Variants in GTF2IRD2 observed in about 807,000 individuals in gnomAD.
GTF2IRD2 encodes the protein GTF2I repeat domain containing 2.
GTF2IRD2 carries 8 observed loss-of-function variants against 49.2 expected under a neutral mutation model. The observed-to-expected ratio is 0.16, with a 90% confidence interval of 0.10 to 0.29. The LOEUF (loss-of-function observed/expected upper bound fraction) is 0.29. Among genes scored for constraint, GTF2IRD2 ranks in the 10% least tolerant of loss-of-function variants. The probability of loss-of-function intolerance (pLI) is 1.00; values close to 1 mark genes in which losing one functional copy is unlikely to be tolerated. For missense variants in GTF2IRD2, 130 were observed against 725.7 expected (o/e 0.18, Z 9.43); for synonymous variants, 47 against 289.7 (o/e 0.16, Z 8.51).
chr7:74,836,732 A>AT (rs1444450479), intron 1 of GTF2IRD2, among the ~76,000 whole-genome samples: 1 of 152,154 alleles, frequency 6.6e-6, no homozygotes, highest in Admixed American at 6.5e-5. Context: ...CGCCTGGCTG[A>AT]TTTTTGTATT....
At chr7:74,844,356 TTTTTTTTATTTATTTATTTATTTATTTA>T (rs1347996713) in intron 1 of GTF2IRD2, among the ~76,000 whole-genome samples, 1,564 of 23,690 alleles carry the variant, frequency 0.066, 157 homozygotes, top group African/African-American at 0.23. Flanking sequence ...GAGGATTATG[TTTTTTTTATTTATTTATTTATTTATTTA>T]TTTATTTATT....
At chr7:74,810,183 T>A (rs1357005089) in intron 10 of GTF2IRD2, among the ~76,000 whole-genome samples, 1 of 10,540 alleles carries the variant, frequency 9.5e-5, no homozygotes, top group Non-Finnish European at 2.5e-4. Context: ...GATTTATATA[T>A]GAATGGAGGG....
In GTF2IRD2 at chr7:74,833,221, T is replaced by G. The variant is rs1366533191; in HGVS notation, c.100-278A>C. Among the ~76,000 whole-genome samples, 3 of 111,956 alleles carry G rather than the reference T, an allele frequency of 2.7e-5. 1 individual carries two copies. The highest frequency in any genetic ancestry group is 3.0e-4 in the South Asian group (1 of 3,382). 73.4% of individuals were successfully genotyped at this position (111,956 alleles called of 152,430 possible). On this transcript the variant is annotated intron_variant, in intron 2 of 15. Transcript: ENST00000451013. ...GCGCCTGCAACCACGCCTGGCTAATTTGTGTGTGTGTGTGTGTGTGTGTGT... is the reference window on the plus strand; with the variant it reads ...GCGCCTGCAACCACGCCTGGCTAATGTGTGTGTGTGTGTGTGTGTGTGTGT...
chr7:74,842,492 A>T (rs1246165439), intron 1 of GTF2IRD2, among the ~76,000 whole-genome samples: 2 of 142,990 alleles, frequency 1.4e-5, no homozygotes, highest in Non-Finnish European at 1.5e-5. Flanking sequence ...TGGCCTCCCA[A>T]AGTGCTGGGA....
intron 4 of GTF2IRD2, among the ~76,000 whole-genome samples, chr7:74,824,052 G>T (rs1799157090): frequency 9.4e-6 from 1 of 105,830 alleles, no homozygotes; most frequent in Non-Finnish European, 1.9e-5. Flanking sequence ...TGTAGTCCCA[G>T]CTACTCAGGA....
chr7:74,826,699 C>CTTT lies in GTF2IRD2; in HGVS notation c.239-1650_239-1648dup, dbSNP rs1175596623. 4.5e-3 allele frequency among the ~76,000 whole-genome samples: 75 copies of CTTT among 16,598 alleles called. 4 individuals are homozygous for CTTT. The highest frequency in any genetic ancestry group is 0.028 in the Middle Eastern group (1 of 36). 10.9% of individuals were successfully genotyped at this position (16,598 alleles called of 152,430 possible). On this transcript the variant is annotated intron_variant, in intron 3 of 15. Coordinates refer to ENST00000451013, the MANE Select transcript of GTF2IRD2 (RefSeq NM_173537.5). ...TTGCTGCAAAAGACATCATTTCATT[C>CTTT]TTTTTTTTTTTTTTTTTTTTTTTTT...
In GTF2IRD2 at chr7:74,839,946, G is replaced by A. The variant is rs587741071; in HGVS notation, c.-5-3563C>T. ...ACCCAGAAGGCGGAGGTTGCAGTGAGCCAAGATTGTGCCACTGCCCTCCAG... is the reference window on the plus strand; with the variant it reads ...ACCCAGAAGGCGGAGGTTGCAGTGAACCAAGATTGTGCCACTGCCCTCCAG... On this transcript the variant is annotated intron_variant, in intron 1 of 15. Coordinates refer to ENST00000451013, the MANE Select transcript of GTF2IRD2 (RefSeq NM_173537.5). Among the ~76,000 whole-genome samples, 15 of 146,708 alleles carry A rather than the reference G, an allele frequency of 1.0e-4. No individual in the cohort carries two copies. In the East Asian group the frequency reaches 2.8e-3, roughly 27 times the overall value.
At chr7:74,806,386 T>C (rs1584386187) in intron 12 of GTF2IRD2, among the ~76,000 whole-genome samples, 1 of 131,338 alleles carries the variant, frequency 7.6e-6, no homozygotes, top group African/African-American at 2.7e-5. Flanking sequence ...CTCCGCTCAC[T>C]GCAAGCTCCA....
chr7:74,842,498 T>A (rs1323944273), intron 1 of GTF2IRD2, among the ~76,000 whole-genome samples: 1 of 143,928 alleles, frequency 6.9e-6, no homozygotes, highest in Non-Finnish European at 1.5e-5. Flanking sequence ...CCCAAAGTGC[T>A]GGGATTATAG....
chr7:74,840,067 CTT>C (rs1165672995), intron 1 of GTF2IRD2, among the ~76,000 whole-genome samples: 11 of 70,142 alleles, frequency 1.6e-4, no homozygotes, highest in African/African-American at 4.9e-4. Flanking sequence ...GGTCCTATGT[CTT>C]TTTTTTTTTT....
chr7:74,815,226 A>C (rs1554418015), intron 8 of GTF2IRD2, among the ~76,000 whole-genome samples: 1 of 79,434 alleles, frequency 1.3e-5, no homozygotes, highest in African/African-American at 3.0e-5. Context: ...TAAGGTAGGC[A>C]GATCATTTAA....
chr7:74,831,504 TACACACAC>T (rs4029807), intron 3 of GTF2IRD2, among the ~76,000 whole-genome samples: 19 of 119,546 alleles, frequency 1.6e-4, no homozygotes, highest in African/African-American at 2.4e-4. Flanking sequence ...TCTCTGTACA[TACACACAC>T]ACACACACAC....
chr7:74,841,275 C>A (rs1554421829), intron 1 of GTF2IRD2, among the ~76,000 whole-genome samples: 1 of 103,114 alleles, frequency 9.7e-6, no homozygotes, highest in Non-Finnish European at 1.8e-5. Context: ...TCAAGCAGTT[C>A]TTCTGCCTCA....
intron 8 of GTF2IRD2, chr7:74,818,947 C>A (rs1280957260): frequency 6.7e-6 from 1 of 150,078 alleles, no homozygotes; most frequent in Non-Finnish European, 1.5e-5. Context: ...TTTTTTGACA[C>A]AGAATCTCAC....
chr7:74,829,853 A>C (rs80129774), intron 3 of GTF2IRD2, among the ~76,000 whole-genome samples: 2 of 147,832 alleles, frequency 1.4e-5, no homozygotes, highest in Non-Finnish European at 3.0e-5. Flanking sequence ...TCTCCACTGC[A>C]CTCCAGCCTG....
At chr7:74,818,469 T>C (rs1454709758) in intron 8 of GTF2IRD2, among the ~76,000 whole-genome samples, 6 of 141,956 alleles carry the variant, frequency 4.2e-5, no homozygotes, top group Non-Finnish European at 6.1e-5. Context: ...TTTTTTTTTT[T>C]TTTTTTTTGA....
intron 3 of GTF2IRD2, among the ~76,000 whole-genome samples, 166 bp from the exon 4 acceptor site, chr7:74,825,218 A>G (rs1799271632): frequency 7.3e-6 from 1 of 137,246 alleles, no homozygotes; most frequent in Non-Finnish European, 1.5e-5. Flanking sequence ...TAAACAGGTT[A>G]ATGAACTATA....
intron 1 of GTF2IRD2, among the ~76,000 whole-genome samples, chr7:74,841,872 T>G (rs587740304): frequency 1.4e-5 from 2 of 141,148 alleles, no homozygotes; most frequent in East Asian, 4.1e-4. Context: ...ACGCCTGTAA[T>G]CCCAGCACTT....
chr7:74,826,746 C>T (rs1356367410), intron 3 of GTF2IRD2, among the ~76,000 whole-genome samples: 5 of 83,970 alleles, frequency 6.0e-5, no homozygotes, highest in Non-Finnish European at 2.1e-5. Flanking sequence ...GAGTCTTACT[C>T]TGTTGCCTAA....
Sources: allele counts gnomAD v4.1 joint callset (sites outside exome capture counted in the v4.1 genomes callset), GRCh38; gene constraint gnomAD v4.1.1; transcripts MANE v1.5; gene names NCBI Gene and HGNC (gene_info 2026-07-23, HGNC 2026-07-21).